The following PEX14 variants were observed in gnomAD, a reference collection of about 807,000 sequenced individuals.
PEX14 encodes the protein peroxisomal biogenesis factor 14.
PEX14 carries 15 observed loss-of-function variants against 49.5 expected under a neutral mutation model. The ratio of observed to expected loss-of-function variants is 0.30; its 90% CI spans 0.20 to 0.47. The LOEUF (loss-of-function observed/expected upper bound fraction) is 0.47, where lower values mean the gene tolerates loss of function less well. Ranked by LOEUF, PEX14 falls within the 20% of genes least tolerant of loss-of-function variation. The probability of loss-of-function intolerance (pLI) is 1.00; values close to 1 mark genes in which losing one functional copy is unlikely to be tolerated. For synonymous variants in PEX14, 210 were observed against 212.7 expected (o/e 0.99, Z 0.11); for missense variants, 398 against 494.8 (o/e 0.80, Z 1.86).
intron 5 of PEX14, among the ~76,000 whole-genome samples, chr1:10,622,797 C>T (rs2124638955): frequency 6.6e-6 from 1 of 152,370 alleles, no homozygotes; most frequent in East Asian, 1.9e-4. Flanking sequence ...CTCTCCCTGT[C>T]CACGTTCCCT....
intron 2 of PEX14, among the ~76,000 whole-genome samples, chr1:10,497,311 C>T (rs149541585): frequency 6.6e-6 from 1 of 152,260 alleles, no homozygotes; most frequent in East Asian, 1.9e-4. Context: ...AGATGGGCAG[C>T]CCCCTTGCAC....
chr1:10,590,139 T>C (rs966587020), intron 3 of PEX14, among the ~76,000 whole-genome samples: 2 of 152,144 alleles, frequency 1.3e-5, no homozygotes, highest in African/African-American at 4.8e-5. Context: ...TCTTCCCCTG[T>C]AAATGGGGAG....
chr1:10,598,535 A>G (rs1046557368), intron 3 of PEX14, among the ~76,000 whole-genome samples: 4 of 152,196 alleles, frequency 2.6e-5, no homozygotes, highest in African/African-American at 9.7e-5. Flanking sequence ...TGTCCCATGT[A>G]TGGTGTGGTT....
intron 4 of PEX14, 24 bp from the exon 5 acceptor site, chr1:10,618,308 C>T (rs1430571399): frequency 1.2e-6 from 2 of 1,604,722 alleles, no homozygotes; most frequent in South Asian, 1.1e-5. Context: ...CGTCTTCTAA[C>T]CCTCCTCCTC....
At chr1:10,563,921 A>G (rs1437980380) in intron 3 of PEX14, among the ~76,000 whole-genome samples, 1 of 151,406 alleles carries the variant, frequency 6.6e-6, no homozygotes, top group African/African-American at 2.4e-5. Context: ...AAAAAAGAAA[A>G]AAAAAAAGTT....
chr1:10,528,318 T>G (rs992717971), intron 2 of PEX14: 25 of 982,846 alleles, frequency 2.5e-5, no homozygotes, highest in Non-Finnish European at 2.5e-5. Context: ...AAGTGGAAGC[T>G]GAAGCAGGGT....
chr1:10,501,665 T>C (rs1017699464), intron 2 of PEX14, among the ~76,000 whole-genome samples: 3 of 152,096 alleles, frequency 2.0e-5, no homozygotes, highest in African/African-American at 7.2e-5. Flanking sequence ...CTGTAATCCT[T>C]GCACTTTGGA....
chr1:10,480,527 G>A (rs2124369547), intron 1 of PEX14, among the ~76,000 whole-genome samples: 1 of 151,258 alleles, frequency 6.6e-6, no homozygotes, highest in South Asian at 2.1e-4. Flanking sequence ...CTGAGTAGCT[G>A]GGACTACAGG....
chr1:10,589,411 C>T (rs1156342419), intron 3 of PEX14, among the ~76,000 whole-genome samples: 1 of 152,174 alleles, frequency 6.6e-6, no homozygotes, highest in Non-Finnish European at 1.5e-5. Flanking sequence ...TAATTTCCCT[C>T]TCTCTCCCCT....
At chr1:10,585,077 T>C (rs1640440459) in intron 3 of PEX14, among the ~76,000 whole-genome samples, 2 of 152,192 alleles carry the variant, frequency 1.3e-5, no homozygotes, top group African/African-American at 4.8e-5. Context: ...AGGGCGTTGG[T>C]TCGCAAGTGT....
intron 2 of PEX14, among the ~76,000 whole-genome samples, chr1:10,526,077 A>G (rs1187765295): frequency 6.6e-6 from 1 of 150,726 alleles, no homozygotes; most frequent in Non-Finnish European, 1.5e-5. Flanking sequence ...GCGTGCTGCC[A>G]CACCCGGCTA....
rs183531933 is a variant in PEX14 at position 10,491,884 on chromosome 1, T to C, written c.37-3390T>C. ...TTTTTGTAGAGACGGGGTTTCGCCA[T>C]GTTGGCCAGGCTCATCTCTAACTCC... On this transcript the variant is annotated intron_variant, in intron 1 of 8. Transcript: ENST00000356607. Among the ~76,000 whole-genome samples, 154 of 152,120 alleles carry C rather than the reference T, an allele frequency of 1.0e-3. 2 individuals carry two copies. Among genetic ancestry groups the C allele is most frequent in the Middle Eastern group, 3.4e-3 (1 of 294 alleles).
At chr1:10,611,240 G>A (rs1292546356) in intron 4 of PEX14, among the ~76,000 whole-genome samples, 3 of 152,038 alleles carry the variant, frequency 2.0e-5, no homozygotes, top group Non-Finnish European at 2.9e-5. Flanking sequence ...TCCAGCCTGG[G>A]TGACAGAGCA....
At chr1:10,599,808 C>T (rs1640932417) in intron 4 of PEX14, among the ~76,000 whole-genome samples, 2 of 152,166 alleles carry the variant, frequency 1.3e-5, no homozygotes, top group African/African-American at 4.8e-5. Flanking sequence ...TTTAGGTCAG[C>T]CTCCATTTCC....
At chr1:10,477,553 C>T (rs559601687) in intron 1 of PEX14, among the ~76,000 whole-genome samples, 2 of 152,344 alleles carry the variant, frequency 1.3e-5, no homozygotes, top group South Asian at 4.1e-4. Context: ...AATTCCCCCA[C>T]GCCTTGTTGT....
rs72869160 is a variant in PEX14, at chr1:10,511,614, G to A, written c.84+16293G>A. Reference sequence around the variant, plus strand: ...TGGACTATGGACTCCTGACTTCTGTGGACTCTAGAATTTATGACTTCTGTG... The same window carrying A: ...TGGACTATGGACTCCTGACTTCTGTAGACTCTAGAATTTATGACTTCTGTG... On this transcript the variant is annotated intron_variant, in intron 2 of 8. Transcript: ENST00000356607. 7.3e-3 allele frequency among the ~76,000 whole-genome samples: 1,113 copies of A among 152,236 alleles called. 15 individuals are homozygous for A. The highest frequency in any genetic ancestry group is 0.025 in the African/African-American group (1,048 of 41,530).
intron 3 of PEX14, among the ~76,000 whole-genome samples, chr1:10,574,717 C>T (rs1423285885): frequency 2.0e-5 from 3 of 151,992 alleles, no homozygotes; most frequent in Non-Finnish European, 2.9e-5. Flanking sequence ...GAAAAAAAGG[C>T]CAGTTTTATG....
chr1:10,612,300 G>A (rs778544992), intron 4 of PEX14, among the ~76,000 whole-genome samples: 1 of 151,850 alleles, frequency 6.6e-6, no homozygotes, highest in African/African-American at 2.4e-5. Flanking sequence ...GACCATGTAA[G>A]CATGGGTCTA....
intron 3 of PEX14, among the ~76,000 whole-genome samples, chr1:10,576,318 G>A (rs1640114168): frequency 6.6e-6 from 1 of 152,040 alleles, no homozygotes; most frequent in South Asian, 2.1e-4. Context: ...CAGCTAACAT[G>A]TATTGAGGGC....
Sources: gnomAD v4.1 joint callset for allele counts (sites outside exome capture counted in the v4.1 genomes callset) on GRCh38, gnomAD v4.1.1 for gene constraint, MANE v1.5 for transcripts, NCBI Gene and HGNC (gene_info 2026-07-23, HGNC 2026-07-21) for gene names.